The following TRAF7 variants were observed in gnomAD, a reference collection of about 807,000 sequenced individuals.
TRAF7 encodes TNF receptor associated factor 7.
Under a neutral mutation model 89.3 loss-of-function variants are expected in TRAF7, and 45 were observed. The observed-to-expected ratio is 0.50, with a 90% CI of 0.40 to 0.65. The LOEUF is 0.65. TRAF7 is among the 30% of genes least tolerant of loss of function. The pLI is 0.00. For synonymous variants in TRAF7, 406 were observed against 369.2 expected, an observed-to-expected ratio of 1.10 and a Z score of -1.14; for missense variants, 677 against 918.1, an observed-to-expected ratio of 0.74 and a Z score of 3.39.
rs144962871 is a variant in TRAF7 at position 2,162,743 on chromosome 16, G to A, written c.-38-1140G>A. ...TCATGGGGTGCTGCGCATGGGCCTC[G>A]AGGTGGACAGTGCAGGTGGGCCCGG... On this transcript the variant is annotated intron_variant, in intron 1 of 20. Transcript: ENST00000326181. This position sits in a 1 kb window ranked among gnomAD's most constrained non-coding sequence, Gnocchi z 5.0. Among the ~76,000 whole-genome samples the A allele has an allele frequency of 5.1e-4, 77 of 152,132 alleles. No individual in the cohort carries two copies. Among genetic ancestry groups the A allele is most frequent in the Non-Finnish European group, 7.4e-4 (50 of 67,970 alleles).
intron 9 of TRAF7, 23 bp downstream of exon 9, chr16:2,172,622 T>TGGGGGGGGGGGGGGGGGGGGG: frequency 5.3e-6 from 4 of 752,244 alleles, no homozygotes; most frequent in Non-Finnish European, 6.1e-6. Flanking sequence ...CGGGCGGGGG[T>TGGGGGGGGGGGGGGGGGGGGG]GGGCCGGGGT....
chr16:2,175,958 G>A lies in TRAF7; in HGVS notation c.1746+5G>A, dbSNP rs2141297949. ...ACCTACGAGAACCTCATCCACGTAA[G>A]GCCTGGGCATCTGGGTGCAAGGCCA... On this transcript the variant is annotated splice_donor_5th_base_variant and intron_variant, in intron 18 of 20. Coordinates refer to ENST00000326181, the MANE Select transcript of TRAF7 (RefSeq NM_032271.3). The A allele has an allele frequency of 6.2e-7, 1 of 1,613,146 alleles. No individual in the cohort carries two copies. Among genetic ancestry groups the A allele is most frequent in the Non-Finnish European group, 8.5e-7 (1 of 1,179,944 alleles).
chr16:2,157,574 C>T lies in TRAF7; in HGVS notation c.-39+1716C>T, dbSNP rs117484039. ...CCGGGTCAGATTCGTGTTCAGCCGT[C>T]ACACATCCCCACCCTCCCGCATGGG... is the stretch of plus-strand genomic sequence containing the variant. On this transcript the variant is annotated intron_variant, in intron 1 of 20. Coordinates refer to ENST00000326181, the MANE Select transcript of TRAF7 (RefSeq NM_032271.3). Among the ~76,000 whole-genome samples the T allele has an allele frequency of 3.8e-4, 58 of 152,320 alleles. No individual in the cohort carries two copies. The East Asian group carries it at 0.011, about 29-fold the overall frequency.
rs2141291243 is a variant in TRAF7, at chr16:2,173,993, G to T, written c.1208G>T (p.Cys403Phe). ...CACCAGGGCCCTGTGTGGTGTCTCT[G>T]CGTCTACTCCATGGGTGACCTGCTC... Reference protein sequence around the residue: ...VGHQGPVWCLCVYSMGDLLFS... With the variant: ...VGHQGPVWCLFVYSMGDLLFS... The change falls in exon 13 of 21, where the codon TGC (cysteine) becomes TTC (phenylalanine). Residue 403 changes from cysteine (C) to phenylalanine (F), a missense_variant. By Grantham distance (205) the Cys-to-Phe change is radical (BLOSUM62 -2). Around this residue, in one of 6 missense-constraint regions of TRAF7, gnomAD observed 15 missense variants for 61.5 expected, o/e 0.24. Transcript: ENST00000326181. 6.2e-7 allele frequency: 1 copy of T among 1,613,752 alleles called. No individual in the cohort carries two copies. Among genetic ancestry groups the T allele is most frequent in the Non-Finnish European group, 8.5e-7 (1 of 1,180,018 alleles).
At chr16:2,171,920 A>C (rs908292238) in intron 7 of TRAF7, among the ~76,000 whole-genome samples, 9 of 151,948 alleles carry the variant, frequency 5.9e-5, no homozygotes, top group African/African-American at 2.2e-4. Context: ...GTCCTCCCGC[A>C]CGGCGCCCGC....
At chr16:2,174,396 G>C (rs997810878) in intron 14 of TRAF7, 63 bp downstream of exon 14, 1 of 1,535,836 alleles carries the variant, frequency 6.5e-7, no homozygotes, top group African/African-American at 1.4e-5. Flanking sequence ...CTGCCACCCC[G>C]TGGGCCGTGA....
chr16:2,174,058 G>A lies in TRAF7; in HGVS notation c.1263+10G>A, dbSNP rs1342807848. On this transcript the variant is annotated intron_variant, in intron 13 of 20. Transcript: ENST00000326181. ...TGACAAGACCATCAAGGTGGGCAGG[G>A]TCCTACCTCAGTCTCTGCAGCCTGG... 1.9e-6 allele frequency: 3 copies of A among 1,612,442 alleles called. No individual in the cohort carries two copies. The highest frequency in any genetic ancestry group is 1.1e-5 in the South Asian group (1 of 91,082).
At chr16:2,175,264 C>T in intron 15 of TRAF7, 37 bp from the exon 16 acceptor site, 3 of 1,612,392 alleles carry the variant, frequency 1.9e-6, no homozygotes, top group Non-Finnish European at 2.5e-6. Context: ...GGTGGCAGGG[C>T]TTGGTGCCCT....
At chr16:2,173,746 A>G in intron 11 of TRAF7, 42 bp from the exon 12 acceptor site, 1 of 1,606,178 alleles carries the variant, frequency 6.2e-7, no homozygotes, top group Non-Finnish European at 8.5e-7. Context: ...GCCCCACAGC[A>G]GCCCTGCCCA....
chr16:2,165,748 G>C, intron 2 of TRAF7, 131 bp from the exon 3 acceptor site: 1 of 1,014,882 alleles, frequency 9.9e-7, no homozygotes, highest in Non-Finnish European at 1.5e-6. Context: ...GCGTGGCCTG[G>C]TCGCATGGTT....
rs1192615311 is a variant in TRAF7 at position 2,177,933 on chromosome 16, C to T, written c.*1359C>T. ...CCTCCACTCTGGCCGGAGGAAGGAC[C>T]GCAGGCAGACAGCCTGGGCCTCTAA... On this transcript the variant is annotated 3_prime_UTR_variant, in exon 21 of 21. Coordinates refer to ENST00000326181, the MANE Select transcript of TRAF7 (RefSeq NM_032271.3). The T allele has an allele frequency of 1.7e-5, 6 of 347,990 alleles. No individual in the cohort carries two copies. Among genetic ancestry groups the T allele is most frequent in the South Asian group, 2.9e-5 (1 of 34,040 alleles). 21.6% of individuals were successfully genotyped at this position (347,990 alleles called of 1,614,324 possible). A position where few individuals can be genotyped will look rare whatever the true frequency, so the allele number is the denominator to read the frequency against.
At chr16:2,171,712 G>A (rs1269347738) in intron 7 of TRAF7, 107 bp downstream of exon 7, 3 of 1,553,966 alleles carry the variant, frequency 1.9e-6, no homozygotes, top group South Asian at 1.1e-5. Flanking sequence ...GCCCTGTTTG[G>A]CCTCTGCTGG....
Position 2,162,769 on chromosome 16 carries a change from G to A in TRAF7, c.-38-1114G>A, listed in dbSNP as rs1303168304. ...AGGTGGACAGTGCAGGTGGGCCCGG[G>A]GCAGGAGTCCTGGGCACGTGGCCTT... On this transcript the variant is annotated intron_variant, in intron 1 of 20. Coordinates refer to ENST00000326181, the MANE Select transcript of TRAF7 (RefSeq NM_032271.3). The surrounding 1 kb of genome is among the most constrained non-coding windows in gnomAD (Gnocchi z 5.0). 6.6e-6 allele frequency among the ~76,000 whole-genome samples: 1 copy of A among 152,054 alleles called. No individual in the cohort carries two copies. Among genetic ancestry groups the A allele is most frequent in the African/African-American group, 2.4e-5 (1 of 41,430 alleles).
At chr16:2,165,808 A>C in intron 2 of TRAF7, 71 bp from the exon 3 acceptor site, 1 of 1,576,950 alleles carries the variant, frequency 6.3e-7, no homozygotes, top group Non-Finnish European at 8.7e-7. Flanking sequence ...TAGGCATGTG[A>C]GTGGGCTCCA....
At position 2,171,244 on chromosome 16, in the gene TRAF7, C is replaced by A. The variant is rs1165008640; in HGVS notation, c.349-20C>A. 1 of 1,536,866 alleles carries A rather than the reference C, an allele frequency of 6.5e-7. No homozygotes were observed. The highest frequency in any genetic ancestry group is 2.4e-5 in the East Asian group (1 of 40,870). ...GAGGGTGGCCTCCCGCCATCGCCTG[C>A]CTTTCCCGCTTGGTTCCAGGAGCCA... is the stretch of plus-strand genomic sequence containing the variant. On this transcript the variant is annotated intron_variant, in intron 5 of 20. Coordinates refer to ENST00000326181, the MANE Select transcript of TRAF7 (RefSeq NM_032271.3).
intron 8 of TRAF7, 27 bp downstream of exon 8, chr16:2,172,401 G>C (rs2093115844): frequency 6.2e-7 from 1 of 1,611,294 alleles, no homozygotes. Context: ...GGGCACCTCT[G>C]CCTCCCTGGG....
chr16:2,168,338 G>T lies in TRAF7; in HGVS notation c.231+170G>T, dbSNP rs1364355497. The T allele has an allele frequency of 1.7e-6, 1 of 586,510 alleles. No homozygotes were observed. Among genetic ancestry groups the T allele is most frequent in the Non-Finnish European group, 2.9e-6 (1 of 339,088 alleles). The allele number at this position is 586,510 out of a possible 1,614,324, so 36.3% of individuals were successfully genotyped here. On this transcript the variant is annotated intron_variant, in intron 4 of 20. Transcript: ENST00000326181. This position sits in a 1 kb window ranked among gnomAD's most constrained non-coding sequence, Gnocchi z 4.1. ...CAGACATGGCAAGTCTGTGAGAAAG[G>T]AGGCTCCTGTGGCTGGACTGTGGGT...
chr16:2,164,051 GC>G (rs2093068182), intron 2 of TRAF7, 50 bp downstream of exon 2: 11 of 1,523,508 alleles, frequency 7.2e-6, no homozygotes, highest in Non-Finnish European at 8.9e-6. Context: ...CCCCCAGCAT[GC>G]CCCAGGGATC....
In TRAF7 at chr16:2,159,217, G is replaced by A. The variant is rs1354421833; in HGVS notation, c.-39+3359G>A. 6.6e-6 allele frequency among the ~76,000 whole-genome samples: 1 copy of A among 152,138 alleles called. No homozygotes were observed. The highest frequency in any genetic ancestry group is 1.5e-5 in the Non-Finnish European group (1 of 68,022). On this transcript the variant is annotated intron_variant, in intron 1 of 20. Coordinates refer to ENST00000326181, the MANE Select transcript of TRAF7 (RefSeq NM_032271.3). This position sits in a 1 kb window ranked among gnomAD's most constrained non-coding sequence, Gnocchi z 6.5. Reference sequence around the variant, plus strand: ...CCTGGAGGCTGAGTGGATGCAGTAGGAGCAGAGCTGGGGGAGGAGTTCAGA... The same window carrying A: ...CCTGGAGGCTGAGTGGATGCAGTAGAAGCAGAGCTGGGGGAGGAGTTCAGA...
Sources: gnomAD v4.1 joint callset for allele counts (sites outside exome capture counted in the v4.1 genomes callset) on GRCh38, gnomAD v4.1.1 for gene constraint, gnomAD v4.1.1 regional missense constraint, Gnocchi (gnomAD v3.1) non-coding constraint, MANE v1.5 for transcripts, NCBI Gene and HGNC (gene_info 2026-07-23, HGNC 2026-07-21) for gene names.